Variants in RP1L1 observed in about 807,000 individuals in gnomAD.
The protein encoded by RP1L1 is RP1 like 1, also known as retinitis pigmentosa 1-like 1 protein.
In RP1L1, 27 loss-of-function variants were observed where a neutral mutation model predicts 15.7. The observed-to-expected ratio is 1.72, with a 90% confidence interval of 1.27 to 2.38. The LOEUF is 2.38. Among genes scored for constraint, RP1L1 ranks in the 30% most tolerant of loss-of-function variants. The probability of loss-of-function intolerance (pLI) is 0.00; values close to 1 mark genes in which losing one functional copy is unlikely to be tolerated. For missense variants in RP1L1, 4,798 were observed against 3,075.9 expected (o/e 1.56, Z -13.24); for synonymous variants, 1,813 against 1,276.7 (o/e 1.42, Z -8.96).
At position 10,610,880 on chromosome 8, in the gene RP1L1, C is replaced by G; in HGVS notation, c.3218G>C (p.Arg1073Pro). ...GGCAGACACCCGGCCAGGAAGTGCC[C>G]GCAGGCTCACCCTGCAGCCTGCTGG... ...EAPAGCRVSL[R>P]ALPGRVSAST... The change falls in exon 4 of 4, where the codon CGG (arginine) becomes CCG (proline). Residue 1073 changes from arginine (R) to proline (P), a missense_variant. Transcript: ENST00000382483. The G allele has an allele frequency of 6.2e-7, 1 of 1,609,128 alleles. No homozygotes were observed. The highest frequency in any genetic ancestry group is 8.5e-7 in the Non-Finnish European group (1 of 1,177,688).
rs1798096888 is a variant in RP1L1, at chr8:10,623,091, G to A, written c.111C>T (p.Thr37=). The A allele has an allele frequency of 6.2e-7, 1 of 1,613,988 alleles. No individual in the cohort carries two copies. The change falls in exon 2 of 4, where the codon ACC becomes ACT. Residue 37 remains threonine (T), a synonymous_variant. Coordinates refer to ENST00000382483, the MANE Select transcript of RP1L1 (RefSeq NM_178857.6). ...ACCGTGGATCCCCTCGCTTGAGGAA[G>A]GTGATCTTCTTGGCTGGCGTGACCT... ...VTKVTPAKKI[T]FLKRGDPRFA...
chr8:10,649,476 T>C (rs1460676985), intron 1 of RP1L1, among the ~76,000 whole-genome samples: 1 of 152,170 alleles, frequency 6.6e-6, no homozygotes. Context: ...TCTGACCCAG[T>C]AGACCACAGC....
At chr8:10,618,882 T>C (rs1798014531) in intron 2 of RP1L1, among the ~76,000 whole-genome samples, 1 of 152,046 alleles carries the variant, frequency 6.6e-6, no homozygotes, top group Non-Finnish European at 1.5e-5. Flanking sequence ...TTGTTTGTTT[T>C]CTGAGATGGA....
chr8:10,620,519 T>C (rs1392259640), intron 2 of RP1L1, among the ~76,000 whole-genome samples: 1 of 151,946 alleles, frequency 6.6e-6, no homozygotes, highest in Non-Finnish European at 1.5e-5. Flanking sequence ...GGCAGGAAAA[T>C]TGCTTGAATC....
At chr8:10,640,594 T>C (rs2117256238) in intron 1 of RP1L1, among the ~76,000 whole-genome samples, 1 of 151,866 alleles carries the variant, frequency 6.6e-6, no homozygotes, top group African/African-American at 2.4e-5. Context: ...TGGAGATTGC[T>C]GTGAGCCAAG....
chr8:10,611,801 G>A lies in RP1L1; in HGVS notation c.2297C>T (p.Ala766Val), dbSNP rs750886173. The A allele has an allele frequency of 1.4e-5, 23 of 1,613,532 alleles. No individual in the cohort carries two copies. The highest frequency in any genetic ancestry group is 1.8e-5 in the Non-Finnish European group (21 of 1,180,018). The part of the protein sequence containing the change: ...NAPSAGWAGD[A>V]GSRTCSPAPI... Reference sequence around the variant, plus strand: ...GGCCGGCGAGCATGTCCTGGACCCCGCGTCCCCTGCCCACCCGGCAGAGGG... The same window carrying A: ...GGCCGGCGAGCATGTCCTGGACCCCACGTCCCCTGCCCACCCGGCAGAGGG... The change falls in exon 4 of 4, where the codon GCG becomes GTG. Residue 766 changes from alanine (A) to valine (V), a missense_variant. Coordinates refer to ENST00000382483, the MANE Select transcript of RP1L1 (RefSeq NM_178857.6).
intron 1 of RP1L1, among the ~76,000 whole-genome samples, chr8:10,646,170 G>A (rs914304752): frequency 2.0e-5 from 3 of 152,240 alleles, no homozygotes; most frequent in Non-Finnish European, 2.9e-5. Context: ...CGGGGCTGCC[G>A]AGAGAGCCTG....
At chr8:10,617,495 C>T (rs1797986794) in intron 2 of RP1L1, among the ~76,000 whole-genome samples, 1 of 148,526 alleles carries the variant, frequency 6.7e-6, no homozygotes, top group Non-Finnish European at 1.5e-5. Context: ...GATCTTTCAG[C>T]CTAGGTAATT....
chr8:10,652,679 A>G (rs921680058), intron 1 of RP1L1, among the ~76,000 whole-genome samples: 1 of 151,904 alleles, frequency 6.6e-6, no homozygotes, highest in Non-Finnish European at 1.5e-5. Flanking sequence ...AGAAAAAAAA[A>G]AACCTTTCAA....
At chr8:10,620,821 G>C (rs1798046363) in intron 2 of RP1L1, among the ~76,000 whole-genome samples, 1 of 152,216 alleles carries the variant, frequency 6.6e-6, no homozygotes, top group African/African-American at 2.4e-5. Flanking sequence ...CAGCCCATTG[G>C]CTGTCATGTC....
rs1049495192 is a variant in RP1L1 at position 10,654,250 on chromosome 8, T to C, written c.-20+648A>G. Among the ~76,000 whole-genome samples, 36 of 152,168 alleles carry C rather than the reference T, an allele frequency of 2.4e-4. 1 individual carries two copies. The highest frequency in any genetic ancestry group is 2.1e-4 in the South Asian group (1 of 4,830). ...AAAGAGAGCAGACCCCAGTTTGATT[T>C]TGTGGCCCTTCCATGACTTCATCTG... On this transcript the variant is annotated intron_variant, in intron 1 of 3. Coordinates refer to ENST00000382483, the MANE Select transcript of RP1L1 (RefSeq NM_178857.6).
At chr8:10,647,976 A>T (rs113262202) in intron 1 of RP1L1, among the ~76,000 whole-genome samples, 5 of 152,198 alleles carry the variant, frequency 3.3e-5, no homozygotes, top group African/African-American at 1.2e-4. Context: ...CAAGGAATCC[A>T]GATTCTCCAC....
Position 10,607,006 on chromosome 8 carries a change from C to A in RP1L1, c.7092G>T (p.Gln2364His), listed in dbSNP as rs1264132208. 1.9e-6 allele frequency: 3 copies of A among 1,614,100 alleles called. No homozygotes were observed. The African/African-American group carries it at 4.0e-5, about 22-fold the overall frequency. ...GTAGGTCATAACCTTCACTGGCCCC[C>A]TGCTCTGGAGTCCTTGAGCCCAAAG... Reference protein sequence around the residue: ...EAPLGSRTPEQGASEGYDLQE... With the variant: ...EAPLGSRTPEHGASEGYDLQE... The change falls in exon 4 of 4, where the codon CAG (glutamine) becomes CAT (histidine). Residue 2364 changes from glutamine (Q) to histidine (H), a missense_variant. Physicochemically the swap from Gln to His is conservative, Grantham distance 24 (BLOSUM62 0). Transcript: ENST00000382483.
chr8:10,638,094 C>T, intron 1 of RP1L1, among the ~76,000 whole-genome samples: 1 of 152,236 alleles, frequency 6.6e-6, no homozygotes, highest in East Asian at 1.9e-4. Context: ...GTGGGAACAA[C>T]TGGGAAATAC....
intron 3 of RP1L1, among the ~76,000 whole-genome samples, chr8:10,615,353 C>T (rs1021219735): frequency 5.3e-5 from 8 of 152,218 alleles, no homozygotes; most frequent in Admixed American, 5.2e-4. Context: ...ATAGTCCAGA[C>T]TGTGGCTCTT....
At position 10,610,090 on chromosome 8, in the gene RP1L1, C is replaced by T. The variant is rs1465290509; in HGVS notation, c.4008G>A (p.Val1336=). The change falls in exon 4 of 4, where the codon GTG becomes GTA. Residue 1336 remains valine, a synonymous_variant. Transcript: ENST00000382483. ...KTEEGLQEEG[V]QLEETKETEG... is the part of the protein sequence containing the mutation. ...CTGTTTCTTTAGTTTCCTCTAACTG[C>T]ACCCCCTCTTCTTGCAGCCCTTCTT... 6.1e-6 allele frequency: 9 copies of T among 1,485,918 alleles called. 1 individual carries two copies. Among genetic ancestry groups the T allele is most frequent in the Admixed American group, 6.0e-5 (3 of 50,150 alleles). 92.0% of individuals were successfully genotyped at this position (1,485,918 alleles called of 1,614,324 possible). A position where few individuals can be genotyped will look rare whatever the true frequency, so the allele number is the denominator to read the frequency against.
chr8:10,646,814 C>T (rs1052941205), intron 1 of RP1L1, among the ~76,000 whole-genome samples: 1 of 152,244 alleles, frequency 6.6e-6, no homozygotes, highest in East Asian at 1.9e-4. Context: ...ATACTGCTTT[C>T]CGCGGAGAGG....
At chr8:10,645,242 G>T (rs1005343000) in intron 1 of RP1L1, among the ~76,000 whole-genome samples, 2 of 152,106 alleles carry the variant, frequency 1.3e-5, no homozygotes, top group Non-Finnish European at 2.9e-5. Flanking sequence ...CAGGAGGATC[G>T]CCTGAACCCA....
At chr8:10,632,766 C>T (rs1025014880) in intron 1 of RP1L1, among the ~76,000 whole-genome samples, 1 of 152,206 alleles carries the variant, frequency 6.6e-6, no homozygotes, top group Non-Finnish European at 1.5e-5. Flanking sequence ...CCCTCATTCC[C>T]AGTCTGAGGT....
Sources: gnomAD v4.1 joint callset for allele counts (sites outside exome capture counted in the v4.1 genomes callset) on GRCh38, gnomAD v4.1.1 for gene constraint, MANE v1.5 for transcripts, NCBI Gene and HGNC (gene_info 2026-07-23, HGNC 2026-07-21) for gene names.